BAIAP2L2: variants seen among roughly 807,000 people sequenced by gnomAD.
BAIAP2L2 encodes BAR/IMD domain containing adaptor protein 2 like 2.
A neutral mutation model predicts 60.4 loss-of-function variants in BAIAP2L2; 65 were observed. The ratio of observed to expected loss-of-function variants is 1.08; its 90% CI spans 0.88 to 1.32. The LOEUF (loss-of-function observed/expected upper bound fraction) is 1.32. BAIAP2L2 is among the 40% of genes most tolerant of loss of function. The pLI is 0.00. For missense variants in BAIAP2L2, 836 were observed against 741.2 expected, an observed-to-expected ratio of 1.13 and a Z score of -1.48; for synonymous variants, 344 against 301.7, an observed-to-expected ratio of 1.14 and a Z score of -1.45.
At chr22:38,086,560 G>T in intron 11 of BAIAP2L2, 111 bp from the exon 12 acceptor site, 1 of 781,740 alleles carries the variant, frequency 1.3e-6, no homozygotes, top group Non-Finnish European at 2.0e-6. Flanking sequence ...CTTCCTCCCC[G>T]CACCTGCATG....
At chr22:38,109,068 G>T in intron 2 of BAIAP2L2, 65 bp downstream of exon 2, 1 of 1,372,552 alleles carries the variant, frequency 7.3e-7, no homozygotes, top group Non-Finnish European at 1.0e-6. Flanking sequence ...ATCTGGGAGG[G>T]GCCTGGGTGG....
chr22:38,100,318 G>A (rs2086538777), intron 4 of BAIAP2L2, among the ~76,000 whole-genome samples: 1 of 152,042 alleles, frequency 6.6e-6, no homozygotes, highest in South Asian at 2.1e-4. Flanking sequence ...TTGGGAGGCC[G>A]AGCTTGTGAC....
At chr22:38,106,701 C>G (rs945867728) in intron 4 of BAIAP2L2, among the ~76,000 whole-genome samples, 6 of 152,180 alleles carry the variant, frequency 3.9e-5, no homozygotes, top group African/African-American at 1.2e-4. Context: ...AGGCCCCACC[C>G]CACCTCTCCC....
In BAIAP2L2 at chr22:38,097,961, G is replaced by T; in HGVS notation, c.465+102C>A. The T allele has an allele frequency of 2.1e-5, 23 of 1,095,030 alleles. 1 individual carries two copies. The South Asian group carries it at 2.9e-4, about 14-fold the overall frequency. 67.8% of individuals were successfully genotyped at this position (1,095,030 alleles called of 1,614,324 possible). A position where few individuals can be genotyped will look rare whatever the true frequency, so the allele number is the denominator to read the frequency against. Reference sequence around the variant, plus strand: ...CATCACAGTTGGGCTGGTGCTCGGTGGGGGAGCTCAGGGAGGCGTTCGGGG... The same window carrying T: ...CATCACAGTTGGGCTGGTGCTCGGTTGGGGAGCTCAGGGAGGCGTTCGGGG... On this transcript the variant is annotated intron_variant, in intron 6 of 13. Transcript: ENST00000381669.
At chr22:38,101,373 A>C (rs796819590) in intron 4 of BAIAP2L2, among the ~76,000 whole-genome samples, 14 of 39,838 alleles carry the variant, frequency 3.5e-4, no homozygotes, top group African/African-American at 9.7e-4. Flanking sequence ...TCTCTACATA[A>C]AAAAAAAAAA....
chr22:38,085,265 C>T lies in BAIAP2L2; in HGVS notation c.*35G>A. The T allele has an allele frequency of 6.3e-7, 1 of 1,599,424 alleles. No homozygotes were observed. Among genetic ancestry groups the T allele is most frequent in the Non-Finnish European group, 8.6e-7 (1 of 1,167,400 alleles). ...TTGCCAGCTCTGAACAGCCCCTGGG[C>T]AGGTGCACTGTGGGGTACGACCTCG... is the stretch of plus-strand genomic sequence containing the variant. On this transcript the variant is annotated 3_prime_UTR_variant, in exon 14 of 14. Transcript: ENST00000381669.
intron 5 of BAIAP2L2, 77 bp from the exon 6 acceptor site, chr22:38,098,256 C>A (rs1569226288): frequency 1.3e-6 from 2 of 1,538,134 alleles, no homozygotes; most frequent in East Asian, 2.3e-5. Context: ...GAGATCAGGG[C>A]CCTGGAAGTT....
Position 38,108,121 on chromosome 22 carries a change from TG to T in BAIAP2L2, c.214+133del, listed in dbSNP as rs2086704724. 1.7e-5 allele frequency: 17 copies of T among 997,452 alleles called. No individual in the cohort carries two copies. The East Asian group carries it at 1.8e-4, about 11-fold the overall frequency. 61.8% of individuals were successfully genotyped at this position (997,452 alleles called of 1,614,324 possible). A position where few individuals can be genotyped will look rare whatever the true frequency, so the allele number is the denominator to read the frequency against. ...CGGCAGGGAGTGGTGGCGGGGAGCC[TG>T]GGCCCCAGAACAAGAGTCTGGCTCT... On this transcript the variant is annotated intron_variant, in intron 3 of 13. Coordinates refer to ENST00000381669, the MANE Select transcript of BAIAP2L2 (RefSeq NM_025045.6).
Position 38,085,735 on chromosome 22 carries a change from G to A in BAIAP2L2, c.1468-3C>T. ...TACTGCTCTGAGGACATCAGTTTCT[G>A]CAGTGGGGGTGGGGAAGGGCTGGTT... is the stretch of plus-strand genomic sequence containing the variant. On this transcript the variant is annotated splice_region_variant and splice_polypyrimidine_tract_variant and intron_variant, in intron 12 of 13. Coordinates refer to ENST00000381669, the MANE Select transcript of BAIAP2L2 (RefSeq NM_025045.6). 3.8e-6 allele frequency: 6 copies of A among 1,595,130 alleles called. No individual in the cohort carries two copies. In the South Asian group the frequency reaches 6.9e-5, roughly 18 times the overall value.
At position 38,087,150 on chromosome 22, in the gene BAIAP2L2, C is replaced by G. The variant is rs748871895; in HGVS notation, c.1233G>C (p.Met411Ile). 1 of 1,600,352 alleles carries G rather than the reference C, an allele frequency of 6.2e-7. No individual in the cohort carries two copies. The change falls in exon 11 of 14, where the codon ATG (methionine) becomes ATC (isoleucine). Residue 411 changes from methionine (M) to isoleucine (I), a missense_variant. Physicochemically the swap from Met to Ile is conservative, Grantham distance 10. Transcript: ENST00000381669. The stretch of plus-strand genomic sequence containing the variant: ...TGGAAGGCAGCTCGTTCCCGGGGTT[C>G]ATGGGTGTCATGGGGGACATGGAGG... ...SMTSMSPMTPMNPGNELPSRS... is the reference protein window; with the variant it reads ...SMTSMSPMTPINPGNELPSRS...
chr22:38,104,739 G>A (rs556568154), intron 4 of BAIAP2L2, among the ~76,000 whole-genome samples: 2 of 151,964 alleles, frequency 1.3e-5, no homozygotes, highest in Non-Finnish European at 2.9e-5. Flanking sequence ...CTCGTGATCC[G>A]CCTGCCTTGG....
intron 4 of BAIAP2L2, among the ~76,000 whole-genome samples, chr22:38,102,400 A>G (rs1430126560): frequency 4.6e-5 from 7 of 152,208 alleles, no homozygotes; most frequent in African/African-American, 1.7e-4. Flanking sequence ...TTTTTGGAAA[A>G]CTACATAAGA....
intron 4 of BAIAP2L2, among the ~76,000 whole-genome samples, chr22:38,101,635 C>T (rs948221112): frequency 4.6e-5 from 7 of 150,652 alleles, no homozygotes; most frequent in African/African-American, 1.5e-4. Flanking sequence ...GTGTGGATCA[C>T]CTGAGGTCAG....
Position 38,090,099 on chromosome 22 carries a change from A to ATTTTTTTT in BAIAP2L2, c.613-433_613-426dup, listed in dbSNP as rs749685662. 488 of 75,844 alleles carry ATTTTTTTT rather than the reference A, an allele frequency of 6.4e-3. 39 individuals carry two copies. The highest frequency in any genetic ancestry group is 0.023 in the African/African-American group (471 of 20,230). 4.7% of individuals were successfully genotyped at this position (75,844 alleles called of 1,614,324 possible). ...TACCCAGTAACACTATGGAAAATGCATTTTTTTTTTTTTTTTTTTTTTTTT... is the reference window on the plus strand; with the variant it reads ...TACCCAGTAACACTATGGAAAATGCATTTTTTTTTTTTTTTTTTTTTTTTTTTTTTTTT... On this transcript the variant is annotated intron_variant, in intron 7 of 13. Coordinates refer to ENST00000381669, the MANE Select transcript of BAIAP2L2 (RefSeq NM_025045.6).
chr22:38,089,422 G>A (rs1167655378), intron 8 of BAIAP2L2, 100 bp downstream of exon 8: 4 of 666,916 alleles, frequency 6.0e-6, no homozygotes, highest in Non-Finnish European at 6.3e-6. Context: ...TAGAGCGGGA[G>A]CCTGGGGGGC....
intron 10 of BAIAP2L2, among the ~76,000 whole-genome samples, chr22:38,087,541 A>G (rs1002920671): frequency 2.6e-5 from 4 of 152,058 alleles, no homozygotes; most frequent in African/African-American, 9.7e-5. Flanking sequence ...AGAAGGTTCT[A>G]TCCTCAGGTC....
chr22:38,103,661 G>A (rs570760996), intron 4 of BAIAP2L2, among the ~76,000 whole-genome samples: 3 of 152,030 alleles, frequency 2.0e-5, no homozygotes, highest in Non-Finnish European at 4.4e-5. Context: ...TTAGGAGTTC[G>A]AGATCAGCCT....
In BAIAP2L2 at chr22:38,085,259, C is replaced by G; in HGVS notation, c.*41G>C. The G allele has an allele frequency of 3.1e-6, 5 of 1,593,314 alleles. No homozygotes were observed. Among genetic ancestry groups the G allele is most frequent in the Non-Finnish European group, 4.3e-6 (5 of 1,162,238 alleles). The stretch of plus-strand genomic sequence containing the variant: ...CTGCCATTGCCAGCTCTGAACAGCC[C>G]CTGGGCAGGTGCACTGTGGGGTACG... On this transcript the variant is annotated 3_prime_UTR_variant, in exon 14 of 14. Coordinates refer to ENST00000381669, the MANE Select transcript of BAIAP2L2 (RefSeq NM_025045.6).
chr22:38,109,274 G>A (rs2086738962), intron 1 of BAIAP2L2, 66 bp from the exon 2 acceptor site: 2 of 1,337,688 alleles, frequency 1.5e-6, no homozygotes, highest in East Asian at 2.3e-5. Flanking sequence ...ACCACGGATG[G>A]AGTCAAGTCA....
Sources: gnomAD v4.1 joint callset for allele counts (sites outside exome capture counted in the v4.1 genomes callset) on GRCh38, gnomAD v4.1.1 for gene constraint, MANE v1.5 for transcripts, NCBI Gene and HGNC (gene_info 2026-07-23, HGNC 2026-07-21) for gene names.